RPUSD4: variants seen among roughly 807,000 people sequenced by gnomAD.
RPUSD4 encodes RNA pseudouridine synthase D4.
A neutral mutation model predicts 35.4 loss-of-function variants in RPUSD4; 37 were observed. The observed-to-expected ratio is 1.04, with a 90% CI of 0.80 to 1.37. The LOEUF (loss-of-function observed/expected upper bound fraction) is 1.37, where lower values mean the gene tolerates loss of function less well. Among genes scored for constraint, RPUSD4 ranks in the 40% most tolerant of loss-of-function variants. The pLI, the probability that RPUSD4 is intolerant of heterozygous loss-of-function variation, is 0.00. For missense variants in RPUSD4, 507 were observed against 484.9 expected (o/e 1.05, Z -0.43); for synonymous variants, 210 against 192.7 (o/e 1.09, Z -0.74).
rs1245785267 is a variant in RPUSD4 at position 126,209,686 on chromosome 11, A to T, written c.392T>A (p.Leu131Gln). ...PGVQLCITDV[L>Q]PILAKMLHGH... ...ATGAAGCATCTTTGCCAGGATAGGT[A>T]GTACATCAGTGATGCAGAGCTGGAC... Residue 131 changes from leucine (L) to glutamine (Q), a missense_variant, in exon 3 of 7, where the codon CTA becomes CAA. Leu to Gln is a moderately radical substitution (Grantham distance 113). Coordinates refer to ENST00000298317, the MANE Select transcript of RPUSD4 (RefSeq NM_032795.3). 12 of 1,614,206 alleles carry T rather than the reference A, an allele frequency of 7.4e-6. No homozygotes were observed. Among genetic ancestry groups the T allele is most frequent in the Non-Finnish European group, 1.0e-5 (12 of 1,180,048 alleles).
Position 126,203,445 on chromosome 11 carries a change from A to G in RPUSD4, c.1107T>C (p.Asn369=), listed in dbSNP as rs142324148. The change falls in exon 7 of 7, where the codon AAT becomes AAC. Residue 369 remains asparagine (N), a synonymous_variant. Transcript: ENST00000298317. Reference sequence around the variant, plus strand: ...ACTGTGCTCCCAGACACTTGGCTTCATTGTTCTCATTTTGATCCTCATTTG... The same window carrying G: ...ACTGTGCTCCCAGACACTTGGCTTCGTTGTTCTCATTTTGATCCTCATTTG... ...EMPNEDQNEN[N]EAKCLGAQ 5.6e-6 allele frequency: 9 copies of G among 1,613,726 alleles called. No individual in the cohort carries two copies. In the African/African-American group the frequency reaches 9.3e-5, roughly 17 times the overall value.
intron 3 of RPUSD4, 184 bp from the exon 4 acceptor site, chr11:126,205,965 T>C (rs915278426): frequency 4.8e-5 from 23 of 478,938 alleles, no homozygotes; most frequent in Non-Finnish European, 7.7e-5. Context: ...CACAAGCTTA[T>C]CTTTTTTACT....
Position 126,203,285 on chromosome 11 carries a change from G to A in RPUSD4, c.*133C>T, listed in dbSNP as rs1286029215. 7 of 1,361,556 alleles carry A rather than the reference G, an allele frequency of 5.1e-6. No individual in the cohort carries two copies. The highest frequency in any genetic ancestry group is 7.0e-6 in the Non-Finnish European group (7 of 997,392). 84.3% of individuals were successfully genotyped at this position (1,361,556 alleles called of 1,614,324 possible). On this transcript the variant is annotated 3_prime_UTR_variant, in exon 7 of 7. Coordinates refer to ENST00000298317, the MANE Select transcript of RPUSD4 (RefSeq NM_032795.3). The stretch of plus-strand genomic sequence containing the variant: ...CCTTATCCCACCTGGCTCTTACGCA[G>A]TCTGTTCCAAGTGAGAAGTTAGCAG...
At position 126,202,984 on chromosome 11, in the gene RPUSD4, T is replaced by A. The variant is rs2135093621; in HGVS notation, c.*434A>T. 5.7e-6 allele frequency: 1 copy of A among 176,478 alleles called. No individual in the cohort carries two copies. The highest frequency in any genetic ancestry group is 1.4e-4 in the East Asian group (1 of 7,026). The allele number at this position is 176,478 out of a possible 1,614,324, so 10.9% of individuals were successfully genotyped here. On this transcript the variant is annotated 3_prime_UTR_variant, in exon 7 of 7. Transcript: ENST00000298317. ...TGGGCAATCCCTGGATGCTGTGATA[T>A]TTGTTAACCATTATGTTCTTTCCAA...
rs558519166 is a variant in RPUSD4 at position 126,203,671 on chromosome 11, G to A, written c.895-14C>T. On this transcript the variant is annotated splice_polypyrimidine_tract_variant and intron_variant, in intron 6 of 6. Coordinates refer to ENST00000298317, the MANE Select transcript of RPUSD4 (RefSeq NM_032795.3). The stretch of plus-strand genomic sequence containing the variant: ...CACAGACAGCTTCTATACAAAGAAA[G>A]GACAGACCCTTGAGAGCAAGGCCAA... 1 of 1,604,838 alleles carries A rather than the reference G, an allele frequency of 6.2e-7. No individual in the cohort carries two copies. Among genetic ancestry groups the A allele is most frequent in the Non-Finnish European group, 8.5e-7 (1 of 1,173,386 alleles).
rs984246424 is a variant in RPUSD4, at chr11:126,202,724, G to T, written c.*694C>A. On this transcript the variant is annotated 3_prime_UTR_variant, in exon 7 of 7. Coordinates refer to ENST00000298317, the MANE Select transcript of RPUSD4 (RefSeq NM_032795.3). ...AAATATCTAGGTTTCCAGCTTCTCT[G>T]AAGAAATGAGAAAATCCATTCCCAC... 2.6e-5 allele frequency: 4 copies of T among 152,220 alleles called. No homozygotes were observed. The highest frequency in any genetic ancestry group is 9.6e-5 in the African/African-American group (4 of 41,456). The allele number at this position is 152,220 out of a possible 1,614,324, so 9.4% of individuals were successfully genotyped here.
rs550169620 is a variant in RPUSD4 at position 126,204,794 on chromosome 11, A to G, written c.797-466T>C. 3.9e-5 allele frequency among the ~76,000 whole-genome samples: 6 copies of G among 152,328 alleles called. 1 individual carries two copies. Among genetic ancestry groups the G allele is most frequent in the South Asian group, 2.1e-4 (1 of 4,832 alleles). ...CACCATCCATCTCTAGAACTTTCTC[A>G]GCTTCCCAAACTGAAACTCTGGACC... On this transcript the variant is annotated intron_variant, in intron 5 of 6. Transcript: ENST00000298317.
chr11:126,202,182 AG>A lies in RPUSD4; in HGVS notation c.*1235del, dbSNP rs1225334905. The A allele has an allele frequency of 6.6e-6, 1 of 152,270 alleles. No individual in the cohort carries two copies. The highest frequency in any genetic ancestry group is 1.5e-5 in the Non-Finnish European group (1 of 68,050). 9.4% of individuals were successfully genotyped at this position (152,270 alleles called of 1,614,324 possible). On this transcript the variant is annotated 3_prime_UTR_variant, in exon 7 of 7. Coordinates refer to ENST00000298317, the MANE Select transcript of RPUSD4 (RefSeq NM_032795.3). The stretch of plus-strand genomic sequence containing the variant: ...CTAGAAAGTGGCATCATCTATACAG[AG>A]GGAACATATAAAGACTGTCCCGGGG...
chr11:126,203,688 C>T (rs1159609532), intron 6 of RPUSD4, 31 bp from the exon 7 acceptor site: 1 of 1,594,386 alleles, frequency 6.3e-7, no homozygotes, highest in East Asian at 2.2e-5. Flanking sequence ...CCCTTGAGAG[C>T]AAGGCCAACA....
rs1037097469 is a variant in RPUSD4 at position 126,203,410 on chromosome 11, C to T, written c.*8G>A. ...GTGCTCCCAGGTGCCAGGGTGCTCC[C>T]ATGGTCTTCACTGTGCTCCCAGACA... On this transcript the variant is annotated 3_prime_UTR_variant, in exon 7 of 7. Transcript: ENST00000298317. The T allele has an allele frequency of 1.2e-6, 2 of 1,610,330 alleles. No homozygotes were observed. Among genetic ancestry groups the T allele is most frequent in the Non-Finnish European group, 1.7e-6 (2 of 1,179,662 alleles).
intron 1 of RPUSD4, 77 bp downstream of exon 1, chr11:126,211,373 G>T (rs1949864548): frequency 6.9e-7 from 1 of 1,449,956 alleles, no homozygotes; most frequent in East Asian, 2.3e-5. Flanking sequence ...TCACTCAGAG[G>T]ACCCTCCTAC....
chr11:126,205,753 AG>A lies in RPUSD4; in HGVS notation c.585del (p.Ser196GlnfsTer23). ...ATGGGGATGTCCACGACTCCTGCTG[AG>A]GGCATGGGGACATGCACAGTGATGG... ...YWAITVHVPM[P>X]SAGVVDIPIV... On this transcript the variant is annotated frameshift_variant, in exon 4 of 7. Coordinates refer to ENST00000298317, the MANE Select transcript of RPUSD4 (RefSeq NM_032795.3). LOFTEE classifies it high-confidence loss of function. 1 of 1,611,862 alleles carries A rather than the reference AG, an allele frequency of 6.2e-7. No homozygotes were observed. The highest frequency in any genetic ancestry group is 1.1e-5 in the South Asian group (1 of 90,708).
intron 3 of RPUSD4, among the ~76,000 whole-genome samples, chr11:126,207,442 T>G (rs7112684): frequency 0.015 from 2,286 of 152,354 alleles, 62 homozygotes; most frequent in African/African-American, 0.051. Context: ...CAATCATACA[T>G]ATTTTTAAAG....
chr11:126,206,668 G>C (rs1949777843), intron 3 of RPUSD4: 1 of 152,220 alleles, frequency 6.6e-6, no homozygotes, highest in South Asian at 2.1e-4. Flanking sequence ...CAGACAGGTA[G>C]AAGACTGTTT....
chr11:126,211,213 C>G, intron 1 of RPUSD4, 158 bp from the exon 2 acceptor site: 3 of 977,824 alleles, frequency 3.1e-6, no homozygotes, highest in South Asian at 1.5e-5. Context: ...ACCCATCTGT[C>G]TAACCTGCGT....
Position 126,205,561 on chromosome 11 carries a change from G to A in RPUSD4, c.703C>T (p.Arg235Trp), listed in dbSNP as rs1565316712. Residue 235 changes from arginine (R) to tryptophan (W), a missense_variant, in exon 5 of 7, where the codon CGG becomes TGG. Coordinates refer to ENST00000298317, the MANE Select transcript of RPUSD4 (RefSeq NM_032795.3). ...RMDDGKMVKV[R>W]RSRNAQVAVT... ...GCAACTTGCGCATTCCGGCTGCGCC[G>A]CACTTTCACCATTTTCCCATCGTCC... The A allele has an allele frequency of 7.4e-6, 12 of 1,614,132 alleles. No individual in the cohort carries two copies. The highest frequency in any genetic ancestry group is 3.3e-5 in the Admixed American group (2 of 60,006).
At chr11:126,210,001 T>C (rs1291585413) in intron 2 of RPUSD4, among the ~76,000 whole-genome samples, 2 of 152,238 alleles carry the variant, frequency 1.3e-5, no homozygotes, top group Non-Finnish European at 2.9e-5. Context: ...TTCTAGAGCA[T>C]GTGGCTTCCT....
intron 1 of RPUSD4, 146 bp from the exon 2 acceptor site, chr11:126,211,201 A>AT (rs1949860887): frequency 9.7e-7 from 1 of 1,030,616 alleles, no homozygotes; most frequent in Admixed American, 2.3e-5. Context: ...GAGAGCAGAG[A>AT]TACCCATCTG....
intron 3 of RPUSD4, 96 bp downstream of exon 3, chr11:126,209,425 C>T: frequency 2.9e-6 from 3 of 1,021,808 alleles, no homozygotes; most frequent in South Asian, 1.5e-5. Flanking sequence ...TAGTGCAGTG[C>T]CTTCTATTAA....
Sources: gnomAD v4.1 joint callset for allele counts (sites outside exome capture counted in the v4.1 genomes callset) on GRCh38, gnomAD v4.1.1 for gene constraint, MANE v1.5 for transcripts, NCBI Gene and HGNC (gene_info 2026-07-23, HGNC 2026-07-21) for gene names.